PRKAG2: variants seen among roughly 807,000 people sequenced by gnomAD.
The protein encoded by PRKAG2 is 5'-AMP-activated protein kinase subunit gamma-2.
PRKAG2 carries 26 observed loss-of-function variants against 69.6 expected under a neutral mutation model. The observed-to-expected ratio is 0.37, with a 90% CI of 0.27 to 0.52. The LOEUF (loss-of-function observed/expected upper bound fraction) is 0.52, where lower values mean the gene tolerates loss of function less well. Among genes scored for constraint, PRKAG2 ranks in the 20% least tolerant of loss-of-function variants. The pLI, the probability that PRKAG2 is intolerant of heterozygous loss-of-function variation, is 0.90. For synonymous variants in PRKAG2, 293 were observed against 285.0 expected (o/e 1.03, Z -0.28); for missense variants, 557 against 740.0 (o/e 0.75, Z 2.87).
At position 151,806,103 on chromosome 7, in the gene PRKAG2, C is replaced by T. The variant is rs148560689; in HGVS notation, c.115-19562G>A. Among the ~76,000 whole-genome samples the T allele has an allele frequency of 5.3e-3, 811 of 152,322 alleles. 6 individuals carry two copies. Among genetic ancestry groups the T allele is most frequent in the East Asian group, 0.048 (250 of 5,182 alleles). On this transcript the variant is annotated intron_variant, in intron 1 of 15. Coordinates refer to ENST00000287878, the MANE Select transcript of PRKAG2 (RefSeq NM_016203.4). ...ACTCAGGAGGCTGAAGCAGGAGAATCGCTTGAACCCGGGAAGCGGAGGTTG... is the reference window on the plus strand; with the variant it reads ...ACTCAGGAGGCTGAAGCAGGAGAATTGCTTGAACCCGGGAAGCGGAGGTTG...
intron 5 of PRKAG2, among the ~76,000 whole-genome samples, chr7:151,611,663 G>A (rs192346031): frequency 6.6e-6 from 1 of 152,250 alleles, no homozygotes; most frequent in Admixed American, 6.5e-5. Flanking sequence ...AGGGAAAGCT[G>A]GAAACACAAC....
chr7:151,571,499 G>A (rs190636417), intron 9 of PRKAG2, among the ~76,000 whole-genome samples: 4 of 152,274 alleles, frequency 2.6e-5, no homozygotes, highest in East Asian at 3.9e-4. Context: ...GTGAGCCACC[G>A]CACCTGGCCT....
chr7:151,720,628 AG>A (rs1258273317), intron 3 of PRKAG2, among the ~76,000 whole-genome samples: 1 of 103,306 alleles, frequency 9.7e-6, no homozygotes, highest in Non-Finnish European at 1.9e-5. Context: ...GAAATGGCAG[AG>A]GGGGACAGAG....
intron 1 of PRKAG2, among the ~76,000 whole-genome samples, chr7:151,867,375 C>G (rs997031111): frequency 6.6e-6 from 1 of 152,192 alleles, no homozygotes; most frequent in Non-Finnish European, 1.5e-5. Flanking sequence ...ACACGCCCTC[C>G]GAAACCTCCG....
chr7:151,613,273 T>TATA (rs1193715091), intron 5 of PRKAG2, among the ~76,000 whole-genome samples: 2 of 152,344 alleles, frequency 1.3e-5, no homozygotes, highest in Admixed American at 1.3e-4. Flanking sequence ...ACAACAGTGA[T>TATA]ATACACAGGT....
At chr7:151,682,763 A>G (rs973722025) in intron 3 of PRKAG2, among the ~76,000 whole-genome samples, 1 of 151,402 alleles carries the variant, frequency 6.6e-6, no homozygotes, top group South Asian at 2.1e-4. Context: ...CCACCATGCA[A>G]TAAAGTCGAG....
At chr7:151,705,356 AAC>A (rs940075181) in intron 3 of PRKAG2, among the ~76,000 whole-genome samples, 7 of 152,182 alleles carry the variant, frequency 4.6e-5, no homozygotes, top group African/African-American at 1.7e-4. Context: ...CGGGTTGTAA[AAC>A]ACACACACAG....
chr7:151,768,847 C>A (rs2075876922), intron 3 of PRKAG2, among the ~76,000 whole-genome samples: 1 of 152,224 alleles, frequency 6.6e-6, no homozygotes, highest in Admixed American at 6.5e-5. Flanking sequence ...ACAGCCCGTG[C>A]CTGAAGAAAC....
At chr7:151,586,429 T>A (rs949439547) in intron 6 of PRKAG2, among the ~76,000 whole-genome samples, 3 of 152,226 alleles carry the variant, frequency 2.0e-5, no homozygotes, top group Non-Finnish European at 4.4e-5. Flanking sequence ...TTGAGAAATC[T>A]ATCTGCTCTT....
intron 9 of PRKAG2, among the ~76,000 whole-genome samples, chr7:151,570,822 C>T (rs745958105): frequency 6.6e-6 from 1 of 152,112 alleles, no homozygotes; most frequent in Non-Finnish European, 1.5e-5. Flanking sequence ...GGCTGGAGTG[C>T]AGTGGCATGA....
intron 4 of PRKAG2, among the ~76,000 whole-genome samples, chr7:151,633,761 G>C (rs1164035556): frequency 6.6e-6 from 1 of 152,126 alleles, no homozygotes; most frequent in African/African-American, 2.4e-5. Flanking sequence ...CTAATAAATG[G>C]AGAGACAGTC....
intron 3 of PRKAG2, among the ~76,000 whole-genome samples, chr7:151,714,372 TC>T (rs1464801377): frequency 6.7e-6 from 1 of 150,270 alleles, no homozygotes; most frequent in African/African-American, 2.5e-5. Flanking sequence ...GCTGCCGTCC[TC>T]CCATCCGCGC....
chr7:151,642,382 G>A (rs1028233969), intron 4 of PRKAG2, among the ~76,000 whole-genome samples: 1 of 151,706 alleles, frequency 6.6e-6, no homozygotes, highest in African/African-American at 2.4e-5. Flanking sequence ...AAAGGTAGCT[G>A]GGCATAGTGG....
intron 4 of PRKAG2, among the ~76,000 whole-genome samples, chr7:151,651,714 A>G (rs1350322995): frequency 6.6e-6 from 1 of 152,236 alleles, no homozygotes; most frequent in Non-Finnish European, 1.5e-5. Flanking sequence ...CAGATTACAC[A>G]CTGCGGCTAA....
intron 3 of PRKAG2, among the ~76,000 whole-genome samples, chr7:151,695,082 C>A (rs1486250943): frequency 6.6e-6 from 1 of 152,208 alleles, no homozygotes; most frequent in East Asian, 1.9e-4. Context: ...TTGGAGGAAT[C>A]CTGCCAAGGG....
At chr7:151,667,038 CA>C (rs1831153322) in intron 4 of PRKAG2, among the ~76,000 whole-genome samples, 1 of 152,182 alleles carries the variant, frequency 6.6e-6, no homozygotes, top group South Asian at 2.1e-4. Flanking sequence ...CTGCCTTGCC[CA>C]AGGTCAGCTC....
chr7:151,833,252 A>T (rs1473347442), intron 1 of PRKAG2, among the ~76,000 whole-genome samples: 2 of 152,172 alleles, frequency 1.3e-5, no homozygotes, highest in Non-Finnish European at 2.9e-5. Flanking sequence ...GGAACTGACC[A>T]TTGGAAGCTG....
intron 5 of PRKAG2, among the ~76,000 whole-genome samples, chr7:151,612,660 C>T (rs1038341898): frequency 6.6e-6 from 1 of 152,226 alleles, no homozygotes; most frequent in African/African-American, 2.4e-5. Flanking sequence ...GGGGTCTGAC[C>T]AGCGTACCCA....
chr7:151,791,499 G>A (rs1008916130), intron 1 of PRKAG2, among the ~76,000 whole-genome samples: 2 of 152,218 alleles, frequency 1.3e-5, no homozygotes, highest in African/African-American at 2.4e-5. Flanking sequence ...CATTTAGGGG[G>A]CAACGCTGAG....
Sources: allele counts gnomAD v4.1 joint callset (sites outside exome capture counted in the v4.1 genomes callset), GRCh38; gene constraint gnomAD v4.1.1; transcripts MANE v1.5; gene names NCBI Gene and HGNC (gene_info 2026-07-23, HGNC 2026-07-21).